Variants in BCL2 observed in about 807,000 individuals in gnomAD.
The protein encoded by BCL2 is BCL2 apoptosis regulator.
In BCL2, 1 loss-of-function variant was observed where a neutral mutation model predicts 14.2. That is an observed-to-expected ratio of 0.07 (90% CI 0.02 to 0.33). BCL2 has a LOEUF of 0.33. Among genes scored for constraint, BCL2 ranks in the 10% least tolerant of loss-of-function variants. BCL2 has a pLI of 0.99. For synonymous variants in BCL2, 151 were observed against 137.2 expected (o/e 1.10, Z -0.70); for missense variants, 247 against 305.9 (o/e 0.81, Z 1.44).
At position 63,163,550 on chromosome 18, in the gene BCL2, G is replaced by T. The variant is rs373179473; in HGVS notation, c.586-34791C>A. On this transcript the variant is annotated intron_variant, in intron 2 of 2. Transcript: ENST00000333681. The stretch of plus-strand genomic sequence containing the variant: ...TAAGCAAGGTCTTACTAAACTTTTG[G>T]CCAGCTGTTAAATTTGATTGCATGT... Among the ~76,000 whole-genome samples the T allele has an allele frequency of 2.6e-5, 4 of 152,048 alleles. No homozygotes were observed. In the South Asian group the frequency reaches 8.3e-4, roughly 32 times the overall value.
At chr18:63,239,814 C>T (rs138174193) in intron 2 of BCL2, among the ~76,000 whole-genome samples, 50 of 151,968 alleles carry the variant, frequency 3.3e-4, no homozygotes, top group African/African-American at 1.1e-3. Flanking sequence ...AGTTTTCATG[C>T]ATGGAATCTT....
Position 63,318,668 on chromosome 18 carries a change from C to T in BCL2, c.-2G>A. On this transcript the variant is annotated 5_prime_UTR_variant, in exon 2 of 3. Coordinates refer to ENST00000333681, the MANE Select transcript of BCL2 (RefSeq NM_000633.3). This position sits in a 1 kb window ranked among gnomAD's most constrained non-coding sequence, Gnocchi z 7.4. ...CCCTGTTCTCCCAGCGTGCGCCATC[C>T]TTCCCAGAGGAAAAGCAACGGGGGC... The T allele has an allele frequency of 6.2e-7, 1 of 1,612,742 alleles. No individual in the cohort carries two copies. The highest frequency in any genetic ancestry group is 1.1e-5 in the South Asian group (1 of 91,076).
rs755178359 is a variant in BCL2, at chr18:63,269,454, A to G, written c.585+48628T>C. Among the ~76,000 whole-genome samples the G allele has an allele frequency of 5.3e-5, 8 of 152,196 alleles. No homozygotes were observed. The South Asian group carries it at 6.2e-4, about 12-fold the overall frequency. On this transcript the variant is annotated intron_variant, in intron 2 of 2. Transcript: ENST00000333681. ...TTTCTCTGTTGAGGGACGTGGGATCATCTAGATGAATTCAGTTATTACATT... is the reference window on the plus strand; with the variant it reads ...TTTCTCTGTTGAGGGACGTGGGATCGTCTAGATGAATTCAGTTATTACATT...
chr18:63,275,771 C>T (rs1428029387), intron 2 of BCL2, among the ~76,000 whole-genome samples: 5 of 152,238 alleles, frequency 3.3e-5, no homozygotes, highest in African/African-American at 1.2e-4. Flanking sequence ...CAAGCAAACC[C>T]TGGCGCAGAC....
intron 2 of BCL2, among the ~76,000 whole-genome samples, chr18:63,224,697 A>G (rs1376978954): frequency 6.6e-6 from 1 of 152,168 alleles, no homozygotes; most frequent in Non-Finnish European, 1.5e-5. Context: ...GAGTTTTATG[A>G]GAACTAACAC....
chr18:63,203,458 T>C (rs80127377), intron 2 of BCL2, among the ~76,000 whole-genome samples: 1 of 152,356 alleles, frequency 6.6e-6, no homozygotes, highest in African/African-American at 2.4e-5. Context: ...GGTGATATCA[T>C]ATATGATTGT....
chr18:63,155,523 C>G (rs1170375815), intron 2 of BCL2, among the ~76,000 whole-genome samples: 1 of 151,500 alleles, frequency 6.6e-6, no homozygotes, highest in Non-Finnish European at 1.5e-5. Flanking sequence ...CCACAGGGGC[C>G]CAGGAGTGCA....
chr18:63,315,366 C>A (rs937146977), intron 2 of BCL2: 5 of 152,202 alleles, frequency 3.3e-5, no homozygotes, highest in Non-Finnish European at 5.9e-5. Context: ...CTTCTTTAGT[C>A]TTTATTTAAT....
At chr18:63,249,674 C>T (rs992330224) in intron 2 of BCL2, among the ~76,000 whole-genome samples, 10 of 137,568 alleles carry the variant, frequency 7.3e-5, no homozygotes, top group African/African-American at 2.5e-4. Context: ...TGCACCACTG[C>T]ACTCCAGCCT....
Position 63,127,718 on chromosome 18 carries a change from T to C in BCL2, c.*907A>G. On this transcript the variant is annotated 3_prime_UTR_variant, in exon 3 of 3. Coordinates refer to ENST00000333681, the MANE Select transcript of BCL2 (RefSeq NM_000633.3). The stretch of plus-strand genomic sequence containing the variant: ...CTCTGGGTAACTCTAGCCTTCCTGA[T>C]GCGGAAGTCACCGAAATGTTCACTT... The C allele has an allele frequency of 4.4e-6, 1 of 226,512 alleles. No individual in the cohort carries two copies. Among genetic ancestry groups the C allele is most frequent in the Non-Finnish European group, 8.8e-6 (1 of 113,752 alleles). The allele number at this position is 226,512 out of a possible 1,614,324, so 14.0% of individuals were successfully genotyped here.
intron 2 of BCL2, among the ~76,000 whole-genome samples, chr18:63,214,030 G>A (rs1018253407): frequency 6.6e-6 from 1 of 152,216 alleles, no homozygotes; most frequent in Non-Finnish European, 1.5e-5. Context: ...TGAAGTTGCA[G>A]CCAAAATGAT....
At chr18:63,161,431 CCTT>C (rs1370860010) in intron 2 of BCL2, among the ~76,000 whole-genome samples, 1 of 152,174 alleles carries the variant, frequency 6.6e-6, no homozygotes, top group Non-Finnish European at 1.5e-5. Flanking sequence ...GGACAGAATT[CCTT>C]CTTCTTTGCA....
chr18:63,186,385 T>A (rs1915594323), intron 2 of BCL2, among the ~76,000 whole-genome samples: 1 of 152,262 alleles, frequency 6.6e-6, no homozygotes, highest in East Asian at 1.9e-4. Context: ...TATTACTGAC[T>A]GCCTTTAATT....
At chr18:63,128,836 G>C in intron 2 of BCL2, 77 bp from the exon 3 acceptor site, 1 of 675,896 alleles carries the variant, frequency 1.5e-6, no homozygotes, top group Non-Finnish European at 2.8e-6. Context: ...CACAGAGAAA[G>C]AGGCATCCTG....
intron 2 of BCL2, among the ~76,000 whole-genome samples, chr18:63,246,466 C>T (rs1911153558): frequency 1.3e-5 from 2 of 152,114 alleles, no homozygotes; most frequent in Admixed American, 1.3e-4. Context: ...TGGCGGCAAA[C>T]AAGAGAAAAT....
At chr18:63,138,681 T>C (rs1225039334) in intron 2 of BCL2, among the ~76,000 whole-genome samples, 2 of 152,146 alleles carry the variant, frequency 1.3e-5, no homozygotes, top group Non-Finnish European at 2.9e-5. Context: ...GAGGGGCTGG[T>C]TGAAACATGG....
chr18:63,180,677 G>T (rs976332636), intron 2 of BCL2, among the ~76,000 whole-genome samples: 1 of 152,226 alleles, frequency 6.6e-6, no homozygotes, highest in African/African-American at 2.4e-5. Context: ...TGCATTGTAG[G>T]ATAGGGGGTC....
intron 2 of BCL2, among the ~76,000 whole-genome samples, chr18:63,213,576 ACACT>A (rs1205615214): frequency 6.7e-6 from 1 of 148,544 alleles, no homozygotes; most frequent in African/African-American, 2.5e-5. Context: ...ACACACACAC[ACACT>A]ATGAAAATGA....
At chr18:63,222,178 G>A (rs981616864) in intron 2 of BCL2, among the ~76,000 whole-genome samples, 3 of 151,056 alleles carry the variant, frequency 2.0e-5, no homozygotes, top group Non-Finnish European at 2.9e-5. Flanking sequence ...GGAGACTGAG[G>A]CAGGAGTAAT....
Sources: allele counts gnomAD v4.1 joint callset (sites outside exome capture counted in the v4.1 genomes callset), GRCh38; gene constraint gnomAD v4.1.1; non-coding constraint Gnocchi (gnomAD v3.1); transcripts MANE v1.5; gene names NCBI Gene and HGNC (gene_info 2026-07-23, HGNC 2026-07-21).